The following ABCC4 variants were observed in gnomAD, a reference collection of about 807,000 sequenced individuals.
ABCC4 encodes ATP binding cassette subfamily C member 4 (PEL blood group).
A neutral mutation model predicts 168.5 loss-of-function variants in ABCC4; 102 were observed. The ratio of observed to expected loss-of-function variants is 0.61; its 90% CI spans 0.52 to 0.71. The LOEUF is 0.71. ABCC4 is among the 30% of genes least tolerant of loss of function. ABCC4 has a pLI of 0.00. For missense variants in ABCC4, 1,402 were observed against 1,605.8 expected, an observed-to-expected ratio of 0.87 and a Z score of 2.17; for synonymous variants, 617 against 590.7, an observed-to-expected ratio of 1.04 and a Z score of -0.65.
rs983077296 is a variant in ABCC4 at position 95,026,872 on chromosome 13, G to A, written c.3871-5190C>T. 2.8e-5 allele frequency among the ~76,000 whole-genome samples: 4 copies of A among 143,574 alleles called. No homozygotes were observed. The East Asian group carries it at 8.2e-4, about 29-fold the overall frequency. The allele number at this position is 143,574 out of a possible 152,430, so 94.2% of individuals were successfully genotyped here. On this transcript the variant is annotated intron_variant, in intron 30 of 30. Coordinates refer to ENST00000645237, the MANE Select transcript of ABCC4 (RefSeq NM_005845.5). ...CCACTGCACTCCAGCCTGGACAACA[G>A]AGCAAGACCCTGTCTCAAAAAAAAA...
intron 8 of ABCC4, among the ~76,000 whole-genome samples, chr13:95,198,043 A>G (rs1202936683): frequency 6.6e-6 from 1 of 152,206 alleles, no homozygotes; most frequent in East Asian, 1.9e-4. Context: ...TTCAGGACAT[A>G]GGCATGGCAA....
intron 4 of ABCC4, among the ~76,000 whole-genome samples, chr13:95,225,475 G>C (rs2039438257): frequency 6.6e-6 from 1 of 152,106 alleles, no homozygotes; most frequent in African/African-American, 2.4e-5. Context: ...TTCGAGACCT[G>C]CCTGGCCAAC....
At chr13:95,197,215 T>C (rs2038482246) in intron 8 of ABCC4, among the ~76,000 whole-genome samples, 1 of 152,236 alleles carries the variant, frequency 6.6e-6, no homozygotes, top group Non-Finnish European at 1.5e-5. Flanking sequence ...ATAAACAGAC[T>C]GTATGATCGG....
intron 1 of ABCC4, among the ~76,000 whole-genome samples, chr13:95,295,399 C>A (rs955637114): frequency 5.3e-5 from 8 of 152,066 alleles, no homozygotes; most frequent in Non-Finnish European, 1.0e-4. Context: ...GTGGCTCGCC[C>A]CCGTAATCCC....
intron 30 of ABCC4, among the ~76,000 whole-genome samples, chr13:95,028,090 T>C (rs1188262067): frequency 6.6e-6 from 1 of 152,144 alleles, no homozygotes; most frequent in Non-Finnish European, 1.5e-5. Context: ...TGGCAGGAAA[T>C]ATAATTCATA....
intron 29 of ABCC4, among the ~76,000 whole-genome samples, chr13:95,042,587 A>G (rs1334207788): frequency 6.6e-6 from 1 of 152,204 alleles, no homozygotes; most frequent in Non-Finnish European, 1.5e-5. Context: ...AGAGAGAAAA[A>G]AATTAAGGTT....
chr13:95,263,492 G>A (rs544333963), intron 1 of ABCC4, among the ~76,000 whole-genome samples: 2 of 152,074 alleles, frequency 1.3e-5, no homozygotes, highest in South Asian at 2.1e-4. Context: ...AGCTTTGTCC[G>A]CTTAGAGTTC....
rs111703987 is a variant in ABCC4 at position 95,301,119 on chromosome 13, A to G, written c.74+122T>C. ...AGCCCCGGCGTGGACCGCGTGGCGTAGGAAAGCGCTCCCCTCGCCCCCAGC... is the reference window on the plus strand; with the variant it reads ...AGCCCCGGCGTGGACCGCGTGGCGTGGGAAAGCGCTCCCCTCGCCCCCAGC... On this transcript the variant is annotated intron_variant, in intron 1 of 30. Transcript: ENST00000645237. 3,722 of 909,888 alleles carry G rather than the reference A, an allele frequency of 4.1e-3. 106 individuals are homozygous for G. The African/African-American group carries it at 0.059, about 14-fold the overall frequency. The allele number at this position is 909,888 out of a possible 1,614,324, so 56.4% of individuals were successfully genotyped here. A position where few individuals can be genotyped will look rare whatever the true frequency, so the allele number is the denominator to read the frequency against.
intron 4 of ABCC4, among the ~76,000 whole-genome samples, chr13:95,231,698 G>A (rs1364893453): frequency 6.6e-6 from 1 of 152,184 alleles, no homozygotes; most frequent in Non-Finnish European, 1.5e-5. Context: ...AAGTCTTATG[G>A]TTTAACCCAA....
chr13:95,211,553 C>T (rs1237349354), intron 4 of ABCC4, among the ~76,000 whole-genome samples: 1 of 152,078 alleles, frequency 6.6e-6, no homozygotes, highest in South Asian at 2.1e-4. Context: ...ACACCCCAAA[C>T]CTGGCTGAAG....
At chr13:95,158,562 T>C (rs541573061) in intron 19 of ABCC4, among the ~76,000 whole-genome samples, 42 of 152,242 alleles carry the variant, frequency 2.8e-4, no homozygotes, top group Admixed American at 1.0e-3. Flanking sequence ...GCTGAGCTCA[T>C]AGGAAACTCC....
At chr13:95,220,652 A>G (rs1322989693) in intron 4 of ABCC4, among the ~76,000 whole-genome samples, 1 of 152,234 alleles carries the variant, frequency 6.6e-6, no homozygotes, top group Non-Finnish European at 1.5e-5. Flanking sequence ...ACTGATGAGG[A>G]TAAAGGAATT....
chr13:95,172,309 C>T (rs1355561390), intron 13 of ABCC4, among the ~76,000 whole-genome samples: 3 of 152,206 alleles, frequency 2.0e-5, no homozygotes, highest in Non-Finnish European at 2.9e-5. Context: ...AGGCCAGCCA[C>T]GGGGGCTCAC....
intron 30 of ABCC4, among the ~76,000 whole-genome samples, chr13:95,031,352 C>T (rs1051031328): frequency 8.5e-5 from 13 of 152,150 alleles, no homozygotes; most frequent in Non-Finnish European, 1.5e-5. Flanking sequence ...ATCTTGGATA[C>T]CAAATGAGAC....
intron 19 of ABCC4, among the ~76,000 whole-genome samples, chr13:95,141,476 CAG>C: frequency 6.6e-6 from 1 of 151,752 alleles, no homozygotes; most frequent in Non-Finnish European, 1.5e-5. Flanking sequence ...AGTATAAAAG[CAG>C]AGAACAAAGA....
chr13:95,188,686 A>G (rs1442526084), intron 9 of ABCC4, 144 bp from the exon 10 acceptor site: 1 of 702,570 alleles, frequency 1.4e-6, no homozygotes, highest in Non-Finnish European at 2.3e-6. Flanking sequence ...ATTGTATCCT[A>G]GAGTCCTTTT....
At chr13:95,132,455 G>C (rs1441058192) in intron 19 of ABCC4, among the ~76,000 whole-genome samples, 1 of 152,010 alleles carries the variant, frequency 6.6e-6, no homozygotes, top group Non-Finnish European at 1.5e-5. Context: ...GCCTCAAGTT[G>C]ATCCACCCAC....
intron 20 of ABCC4, among the ~76,000 whole-genome samples, chr13:95,091,501 C>T (rs1337066651): frequency 2.6e-5 from 4 of 152,162 alleles, no homozygotes; most frequent in Non-Finnish European, 5.9e-5. Flanking sequence ...TCAGCCTCCT[C>T]AAACAAAACA....
At chr13:95,256,910 A>C (rs571505260) in intron 1 of ABCC4, among the ~76,000 whole-genome samples, 1 of 152,250 alleles carries the variant, frequency 6.6e-6, no homozygotes. Context: ...AGCACTTGCC[A>C]GACTAAGGAA....
Sources: allele counts gnomAD v4.1 joint callset (sites outside exome capture counted in the v4.1 genomes callset), GRCh38; gene constraint gnomAD v4.1.1; transcripts MANE v1.5; gene names NCBI Gene and HGNC (gene_info 2026-07-23, HGNC 2026-07-21).